Variants in KATNAL1 observed in about 807,000 individuals in gnomAD.
The protein encoded by KATNAL1 is katanin p60 ATPase-containing subunit A-like 1.
In KATNAL1, 32 loss-of-function variants were observed where a neutral mutation model predicts 55.2. That is an observed-to-expected ratio of 0.58 (90% confidence interval 0.44 to 0.78). The LOEUF (loss-of-function observed/expected upper bound fraction) is 0.78. KATNAL1 is among the 30% of genes least tolerant of loss of function. The pLI, the probability that KATNAL1 is intolerant of heterozygous loss-of-function variation, is 0.00. For synonymous variants in KATNAL1, 193 were observed against 193.6 expected (o/e 1.00, Z 0.02); for missense variants, 466 against 600.9 (o/e 0.78, Z 2.35).
intron 9 of KATNAL1, among the ~76,000 whole-genome samples, chr13:30,214,879 TA>T (rs1169211868): frequency 6.6e-6 from 1 of 151,396 alleles, no homozygotes; most frequent in African/African-American, 2.4e-5. Context: ...ACTTCACGTC[TA>T]AAACACCAAA....
intron 4 of KATNAL1, among the ~76,000 whole-genome samples, chr13:30,254,542 T>C (rs943657186): frequency 1.3e-5 from 2 of 152,210 alleles, no homozygotes; most frequent in African/African-American, 4.8e-5. Flanking sequence ...ACCTAGGAAG[T>C]TGGTCTGGAG....
Position 30,284,743 on chromosome 13 carries a change from G to C in KATNAL1, c.-14-952C>G, listed in dbSNP as rs144215338. On this transcript the variant is annotated intron_variant, in intron 1 of 10. Transcript: ENST00000380615. ...ACTATTGTTATTTTCCTTTCTATAA[G>C]ATGTTAGTTAGAATACCCTCTAGAT... is the stretch of plus-strand genomic sequence containing the variant. Among the ~76,000 whole-genome samples the C allele has an allele frequency of 1.1e-3, 166 of 152,198 alleles. 1 individual carries two copies. The highest frequency in any genetic ancestry group is 3.7e-3 in the African/African-American group (153 of 41,528).
At position 30,283,786 on chromosome 13, in the gene KATNAL1, A is replaced by T; in HGVS notation, c.-9T>A. The T allele has an allele frequency of 6.2e-7, 1 of 1,604,928 alleles. No homozygotes were observed. Among genetic ancestry groups the T allele is most frequent in the Non-Finnish European group, 8.5e-7 (1 of 1,174,436 alleles). The stretch of plus-strand genomic sequence containing the variant: ...ATCTCAGCCAAATTCATCTTCTTTC[A>T]GAGACCTAAACATAAAATATAATGA... On this transcript the variant is annotated 5_prime_UTR_variant, in exon 2 of 11. An upstream open reading frame in the 5' UTR loses its in-frame stop. Transcript: ENST00000380615.
rs112813331 is a variant in KATNAL1, at chr13:30,294,656, A to G, written c.-14-10865T>C. Among the ~76,000 whole-genome samples, 656 of 152,362 alleles carry G rather than the reference A, an allele frequency of 4.3e-3. 4 individuals carry two copies. The highest frequency in any genetic ancestry group is 0.015 in the African/African-American group (630 of 41,586). On this transcript the variant is annotated intron_variant, in intron 1 of 10. Coordinates refer to ENST00000380615, the MANE Select transcript of KATNAL1 (RefSeq NM_032116.5). The stretch of plus-strand genomic sequence containing the variant: ...GATCATTGATGAAGGTGGCTACACT[A>G]AACAACAGATTTTCAATGTAGACAA...
At chr13:30,229,621 G>C (rs1875871981) in intron 8 of KATNAL1, among the ~76,000 whole-genome samples, 1 of 152,170 alleles carries the variant, frequency 6.6e-6, no homozygotes, top group Non-Finnish European at 1.5e-5. Flanking sequence ...AGGAGGCTGA[G>C]GCAGGAGGAT....
chr13:30,204,562 C>G lies in KATNAL1; in HGVS notation c.*3978G>C, dbSNP rs1593811586. Reference sequence around the variant, plus strand: ...CAAATGAACTCAAGCTGTCCAAAACCTAGAGTACTAATAATTTCATGTTCA... The same window carrying G: ...CAAATGAACTCAAGCTGTCCAAAACGTAGAGTACTAATAATTTCATGTTCA... On this transcript the variant is annotated 3_prime_UTR_variant, in exon 11 of 11. Coordinates refer to ENST00000380615, the MANE Select transcript of KATNAL1 (RefSeq NM_032116.5). 6.6e-6 allele frequency: 1 copy of G among 152,274 alleles called. No homozygotes were observed. The highest frequency in any genetic ancestry group is 1.9e-4 in the East Asian group (1 of 5,192). The allele number at this position is 152,274 out of a possible 1,614,324, so 9.4% of individuals were successfully genotyped here.
intron 3 of KATNAL1, among the ~76,000 whole-genome samples, chr13:30,274,432 C>CT (rs1385333496): frequency 6.8e-6 from 1 of 146,520 alleles, no homozygotes; most frequent in Middle Eastern, 3.6e-3. Flanking sequence ...CTAATTTGAT[C>CT]TTAAAAAAAA....
chr13:30,247,837 AC>A (rs1349342165), intron 4 of KATNAL1, among the ~76,000 whole-genome samples: 1 of 152,234 alleles, frequency 6.6e-6, no homozygotes, highest in Non-Finnish European at 1.5e-5. Flanking sequence ...TCTGATGCCA[AC>A]AAGCCAGGGA....
intron 1 of KATNAL1, among the ~76,000 whole-genome samples, chr13:30,297,393 G>A (rs1882584565): frequency 6.6e-6 from 1 of 152,154 alleles, no homozygotes; most frequent in Non-Finnish European, 1.5e-5. Flanking sequence ...TTTAACAACA[G>A]ATGCTGGCAA....
At chr13:30,226,060 C>T (rs1023533293) in intron 9 of KATNAL1, among the ~76,000 whole-genome samples, 1 of 151,904 alleles carries the variant, frequency 6.6e-6, no homozygotes, top group African/African-American at 2.4e-5. Context: ...AGAGAAATAC[C>T]AATTAAAATC....
intron 4 of KATNAL1, among the ~76,000 whole-genome samples, chr13:30,254,924 C>G (rs549640762): frequency 6.6e-6 from 1 of 152,080 alleles, no homozygotes; most frequent in African/African-American, 2.4e-5. Flanking sequence ...TGTTTATTCA[C>G]CAATCAATTT....
intron 4 of KATNAL1, among the ~76,000 whole-genome samples, chr13:30,252,402 C>T (rs1196268186): frequency 2.0e-5 from 3 of 152,170 alleles, no homozygotes; most frequent in Admixed American, 2.0e-4. Flanking sequence ...GGACCTTAAG[C>T]AAGATATGTC....
At chr13:30,306,565 T>G (rs1883190503) in intron 1 of KATNAL1, 1 of 152,184 alleles carries the variant, frequency 6.6e-6, no homozygotes. Flanking sequence ...CAATGACATC[T>G]TTTTATCTAT....
chr13:30,208,939 A>G (rs890716301), intron 10 of KATNAL1, among the ~76,000 whole-genome samples: 11 of 152,244 alleles, frequency 7.2e-5, no homozygotes, highest in African/African-American at 2.7e-4. Flanking sequence ...CATGAAATGT[A>G]TAGTTAACGA....
intron 6 of KATNAL1, among the ~76,000 whole-genome samples, chr13:30,238,741 G>T (rs1876947810): frequency 6.6e-6 from 1 of 152,114 alleles, no homozygotes; most frequent in Non-Finnish European, 1.5e-5. Context: ...ATATGTAACT[G>T]CCCAACTCTC....
chr13:30,299,617 G>C (rs1201310523), intron 1 of KATNAL1, among the ~76,000 whole-genome samples: 1 of 152,046 alleles, frequency 6.6e-6, no homozygotes, highest in East Asian at 1.9e-4. Flanking sequence ...AAAATGTCAG[G>C]TTAAATCTAA....
intron 8 of KATNAL1, among the ~76,000 whole-genome samples, chr13:30,229,145 CA>C (rs141957410): frequency 0.06 from 9,077 of 152,172 alleles, 338 homozygotes; most frequent in Admixed American, 0.085. Context: ...TATCTCTAAA[CA>C]GCAGCTCTGA....
intron 1 of KATNAL1, among the ~76,000 whole-genome samples, chr13:30,306,147 T>C (rs1207712242): frequency 6.6e-6 from 1 of 152,210 alleles, no homozygotes; most frequent in Non-Finnish European, 1.5e-5. Flanking sequence ...TATCTACCTA[T>C]TAAAAAATTT....
At chr13:30,302,706 C>A (rs1882935011) in intron 1 of KATNAL1, among the ~76,000 whole-genome samples, 1 of 152,060 alleles carries the variant, frequency 6.6e-6, no homozygotes, top group South Asian at 2.1e-4. Context: ...CCTTAAAAAA[C>A]ACAAGAGTGA....
Sources: gnomAD v4.1 joint callset for allele counts (sites outside exome capture counted in the v4.1 genomes callset) on GRCh38, gnomAD v4.1.1 for gene constraint, MANE v1.5 for transcripts, NCBI Gene and HGNC (gene_info 2026-07-23, HGNC 2026-07-21) for gene names.